HK1: variants seen among roughly 807,000 people sequenced by gnomAD.
HK1 encodes hexokinase 1.
In HK1, 28 loss-of-function variants were observed where a neutral mutation model predicts 91.6. That is an observed-to-expected ratio of 0.31 (90% CI 0.23 to 0.42). The LOEUF (loss-of-function observed/expected upper bound fraction) is 0.42. Among genes scored for constraint, HK1 ranks in the 10% least tolerant of loss-of-function variants. The pLI, the probability that HK1 is intolerant of heterozygous loss-of-function variation, is 1.00. For synonymous variants in HK1, 430 were observed against 468.1 expected, an observed-to-expected ratio of 0.92 and a Z score of 1.05; for missense variants, 770 against 1,219.8, an observed-to-expected ratio of 0.63 and a Z score of 5.49.
chr10:69,386,401 G>A lies in HK1; in HGVS notation c.1918G>A (p.Ala640Thr). The A allele has an allele frequency of 1.9e-6, 3 of 1,612,682 alleles. No homozygotes were observed. Among genetic ancestry groups the A allele is most frequent in the Non-Finnish European group, 2.5e-6 (3 of 1,178,680 alleles). Reference sequence around the variant, plus strand: ...CGATGTAGTCACCTTACTAAGGGATGCGATAAAAAGGAGAGAGGTAACTAT... The same window carrying A: ...CGATGTAGTCACCTTACTAAGGGATACGATAAAAAGGAGAGAGGTAACTAT... ...GHDVVTLLRDAIKRREEFDLD... is the reference protein window; with the variant it reads ...GHDVVTLLRDTIKRREEFDLD... Residue 640 changes from alanine to threonine, a missense_variant, in exon 13 of 18, where the codon GCG (alanine) becomes ACG (threonine). Physicochemically the swap from Ala to Thr is moderately conservative, Grantham distance 58 (BLOSUM62 0). Transcript: ENST00000359426.
intron 1 of HK1, among the ~76,000 whole-genome samples, chr10:69,329,378 T>G (rs144650639): frequency 1.2e-4 from 18 of 152,148 alleles, no homozygotes; most frequent in East Asian, 1.9e-4. Flanking sequence ...GGCCAGGATG[T>G]TCTTGATTTC....
upstream of HK1, among the ~76,000 whole-genome samples, chr10:69,313,187 C>T (rs1471873955): frequency 2.0e-5 from 3 of 152,186 alleles, no homozygotes; most frequent in Non-Finnish European, 4.4e-5. Context: ...GGCTTTTTGC[C>T]GGTAAATTCC....
chr10:69,371,577 T>G (rs1023312231), intron 7 of HK1, among the ~76,000 whole-genome samples: 1 of 152,214 alleles, frequency 6.6e-6, no homozygotes, highest in Non-Finnish European at 1.5e-5. Flanking sequence ...TATCAGTCAC[T>G]TAATGAGAAG....
Position 69,369,695 on chromosome 10 carries a change from G to T in HK1, c.875+71G>T, listed in dbSNP as rs1849898898. On this transcript the variant is annotated intron_variant, in intron 7 of 17. Transcript: ENST00000359426. The surrounding 1 kb of genome is among the most constrained non-coding windows in gnomAD (Gnocchi z 4.4). ...ACATTTGATGAAAGATTTGGGATGG[G>T]AGATGAAAAGGGCATAAAGCCAAGT... 2.9e-6 allele frequency: 4 copies of T among 1,401,906 alleles called. No individual in the cohort carries two copies. The highest frequency in any genetic ancestry group is 4.0e-6 in the Non-Finnish European group (4 of 1,004,618). 86.8% of individuals were successfully genotyped at this position (1,401,906 alleles called of 1,614,324 possible). A position where few individuals can be genotyped will look rare whatever the true frequency, so the allele number is the denominator to read the frequency against.
At chr10:69,360,077 C>T (rs191526263) in intron 3 of HK1, 32 bp downstream of exon 3, 8 of 1,608,634 alleles carry the variant, frequency 5.0e-6, no homozygotes, top group African/African-American at 2.7e-5. Flanking sequence ...GTCACCCCGT[C>T]GGGCCAGCAT....
At chr10:69,379,157 A>T (rs1318031222) in intron 8 of HK1, among the ~76,000 whole-genome samples, 3 of 151,950 alleles carry the variant, frequency 2.0e-5, no homozygotes, top group Admixed American at 6.6e-5. Context: ...TTTAAATATT[A>T]AAAAAAATCT....
chr10:69,395,534 C>T (rs889025005), intron 16 of HK1, among the ~76,000 whole-genome samples: 10 of 152,162 alleles, frequency 6.6e-5, no homozygotes, highest in African/African-American at 1.9e-4. Flanking sequence ...GCTGAGATCG[C>T]GCCACTGCAC....
intron 1 of HK1, among the ~76,000 whole-genome samples, chr10:69,343,108 C>G (rs1256481001): frequency 6.6e-6 from 1 of 152,172 alleles, no homozygotes; most frequent in Non-Finnish European, 1.5e-5. Flanking sequence ...GGGCTGTCTC[C>G]ATTCATTGAG....
intron 1 of HK1, among the ~76,000 whole-genome samples, chr10:69,335,735 G>A (rs1448417286): frequency 1.3e-5 from 2 of 152,186 alleles, no homozygotes; most frequent in Admixed American, 6.5e-5. Context: ...GCCTTTATAG[G>A]TCAAAGTCAT....
chr10:69,291,713 G>A (rs1000817175), intron 3 of HK1, among the ~76,000 whole-genome samples: 1 of 152,170 alleles, frequency 6.6e-6, no homozygotes, highest in Non-Finnish European at 1.5e-5. Context: ...ATTTTGAGTT[G>A]TTCCAAGCTT....
intron 3 of HK1, among the ~76,000 whole-genome samples, chr10:69,295,312 C>G (rs962185269): frequency 1.3e-5 from 2 of 152,192 alleles, no homozygotes; most frequent in Non-Finnish European, 2.9e-5. Flanking sequence ...ATCTGTCTTT[C>G]TTAGTGGATT....
chr10:69,340,433 A>C (rs535531808), intron 1 of HK1, among the ~76,000 whole-genome samples: 1 of 152,170 alleles, frequency 6.6e-6, no homozygotes, highest in Non-Finnish European at 1.5e-5. Flanking sequence ...TATTTTTAGT[A>C]GAGACCGGGT....
At chr10:69,347,978 T>G (rs1461776391) in intron 2 of HK1, among the ~76,000 whole-genome samples, 1 of 152,188 alleles carries the variant, frequency 6.6e-6, no homozygotes, top group Non-Finnish European at 1.5e-5. Flanking sequence ...TGGGTTTCCC[T>G]CACTACCCAG....
chr10:69,339,334 T>C (rs1345266308), intron 1 of HK1, among the ~76,000 whole-genome samples: 3 of 152,206 alleles, frequency 2.0e-5, no homozygotes, highest in African/African-American at 7.2e-5. Flanking sequence ...CAGTGGCCCC[T>C]TCTGATCTCC....
chr10:69,363,312 T>G (rs1849532565), intron 3 of HK1, among the ~76,000 whole-genome samples: 1 of 152,204 alleles, frequency 6.6e-6, no homozygotes, highest in South Asian at 2.1e-4. Context: ...GGCAGAGAGA[T>G]AAAGAAGGGA....
intron 2 of HK1, among the ~76,000 whole-genome samples, chr10:69,357,067 A>G (rs76924889): frequency 6.6e-6 from 1 of 152,324 alleles, no homozygotes; most frequent in East Asian, 1.9e-4. Flanking sequence ...AGACATGGAG[A>G]ACTGAAAACT....
upstream of HK1, among the ~76,000 whole-genome samples, chr10:69,311,442 T>C (rs1846373269): frequency 6.6e-6 from 1 of 152,148 alleles, no homozygotes; most frequent in Non-Finnish European, 1.5e-5. Context: ...AAGGTCGTTG[T>C]GTGTGGGTGC....
intron 2 of HK1, 65 bp downstream of exon 2, chr10:69,344,054 T>A: frequency 6.7e-7 from 1 of 1,497,928 alleles, no homozygotes; most frequent in Non-Finnish European, 9.3e-7. Flanking sequence ...TCCTTCTAAC[T>A]TCATTTGTTC....
chr10:69,288,713 G>T (rs1202274452), exon 3 of HK1: 1 of 1,611,558 alleles, frequency 6.2e-7, no homozygotes, highest in Non-Finnish European at 8.5e-7. Context: ...GCAGAAGAAA[G>T]GACCCGAGGT....
Sources: allele counts gnomAD v4.1 joint callset (sites outside exome capture counted in the v4.1 genomes callset), GRCh38; gene constraint gnomAD v4.1.1; non-coding constraint Gnocchi (gnomAD v3.1); transcripts MANE v1.5; gene names NCBI Gene and HGNC (gene_info 2026-07-23, HGNC 2026-07-21).